Variants in SNX10 observed in about 807,000 individuals in gnomAD.
SNX10 encodes sorting nexin 10, also known as sorting nexin-10.
Under a neutral mutation model 28.5 loss-of-function variants are expected in SNX10, and 25 were observed. The ratio of observed to expected loss-of-function variants is 0.88; its 90% confidence interval spans 0.64 to 1.22. The LOEUF is 1.22. SNX10 is among the 50% of genes most tolerant of loss of function. The probability of loss-of-function intolerance (pLI) is 0.00; values close to 1 mark genes in which losing one functional copy is unlikely to be tolerated. For missense variants in SNX10, 223 were observed against 242.6 expected (o/e 0.92, Z 0.54); for synonymous variants, 62 against 81.4 (o/e 0.76, Z 1.28).
At chr7:26,301,017 TCCAA>T (rs1377312345) in intron 1 of SNX10, among the ~76,000 whole-genome samples, 1 of 42,046 alleles carries the variant, frequency 2.4e-5, no homozygotes, top group African/African-American at 7.7e-5. Context: ...ATACTCTGTC[TCCAA>T]AAAAAAAAAA....
At chr7:26,358,825 G>GTTTTTTTTTTTTTTTTTTTT (rs1200404644) in intron 2 of SNX10, among the ~76,000 whole-genome samples, 3 of 25,554 alleles carry the variant, frequency 1.2e-4, no homozygotes, top group Admixed American at 6.6e-4. Context: ...TTTTTTTTTT[G>GTTTTTTTTTTTTTTTTTTTT]ACCAAGTCTT....
At chr7:26,307,031 G>T (rs985549823) in intron 1 of SNX10, among the ~76,000 whole-genome samples, 1 of 152,164 alleles carries the variant, frequency 6.6e-6, no homozygotes, top group African/African-American at 2.4e-5. Context: ...CACTTTAGGG[G>T]GGCATTCCCC....
rs375270399 is a variant in SNX10, at chr7:26,326,864, A to G, written c.-23-19556A>G. ...TACAGGTGTGAGCCACTGCACCCAG[A>G]TGAACTGACCATTTTTGTGAGGATA... is the stretch of plus-strand genomic sequence containing the variant. On this transcript the variant is annotated intron_variant, in intron 1 of 6. Coordinates refer to ENST00000338523, the MANE Select transcript of SNX10 (RefSeq NM_013322.3). 2.0e-5 allele frequency among the ~76,000 whole-genome samples: 3 copies of G among 150,212 alleles called. No individual in the cohort carries two copies. In the East Asian group the frequency reaches 6.0e-4, roughly 30 times the overall value.
chr7:26,304,813 A>C (rs561721287), intron 1 of SNX10, among the ~76,000 whole-genome samples: 45 of 152,326 alleles, frequency 3.0e-4, no homozygotes, highest in Non-Finnish European at 4.7e-4. Flanking sequence ...CTTTTGGGGA[A>C]GAATCACACA....
chr7:26,369,631 C>CA (rs1404953723), intron 5 of SNX10, among the ~76,000 whole-genome samples: 2 of 152,172 alleles, frequency 1.3e-5, no homozygotes, highest in African/African-American at 4.8e-5. Flanking sequence ...GGGGAGTGTT[C>CA]AGATGTCCCC....
At chr7:26,337,207 ATTGACC>A (rs1332756846) in intron 1 of SNX10, among the ~76,000 whole-genome samples, 7 of 151,016 alleles carry the variant, frequency 4.6e-5, no homozygotes, top group Non-Finnish European at 7.4e-5. Context: ...TAAGTAGATT[ATTGACC>A]TTCTTTCAAA....
At chr7:26,348,215 A>T (rs1350244947) in intron 2 of SNX10, among the ~76,000 whole-genome samples, 1 of 151,932 alleles carries the variant, frequency 6.6e-6, no homozygotes, top group Non-Finnish European at 1.5e-5. Flanking sequence ...CTTCCACAAT[A>T]CCTATACCAG....
chr7:26,360,822 C>G, intron 2 of SNX10, 153 bp from the exon 3 acceptor site: 4 of 1,452,310 alleles, frequency 2.8e-6, no homozygotes, highest in Non-Finnish European at 3.6e-6. Context: ...GTGCCTGATT[C>G]ATTAACTTTA....
At chr7:26,328,402 A>G (rs1787588363) in intron 1 of SNX10, among the ~76,000 whole-genome samples, 1 of 152,214 alleles carries the variant, frequency 6.6e-6, no homozygotes, top group African/African-American at 2.4e-5. Context: ...GTTTGGACAC[A>G]GTAAGTTTGA....
intron 1 of SNX10, among the ~76,000 whole-genome samples, chr7:26,303,735 A>G (rs1044519548): frequency 1.3e-5 from 2 of 152,196 alleles, no homozygotes; most frequent in African/African-American, 4.8e-5. Context: ...GTTAAGGCAG[A>G]TTTCTGGGTC....
chr7:26,310,774 TG>T (rs1391559044), intron 1 of SNX10, among the ~76,000 whole-genome samples: 1 of 151,268 alleles, frequency 6.6e-6, no homozygotes, highest in Non-Finnish European at 1.5e-5. Context: ...CTCCGCCTCC[TG>T]GGGTTCACGC....
At chr7:26,355,370 AT>A (rs915706192) in intron 2 of SNX10, among the ~76,000 whole-genome samples, 12 of 152,272 alleles carry the variant, frequency 7.9e-5, no homozygotes, top group African/African-American at 2.6e-4. Flanking sequence ...TCTTGCTGAG[AT>A]TTTTTATAGG....
chr7:26,331,447 A>G (rs6944327), intron 1 of SNX10, among the ~76,000 whole-genome samples: 31,243 of 151,990 alleles, frequency 0.21, 3,823 homozygotes, highest in South Asian at 0.41. Flanking sequence ...TTAGCTGGGC[A>G]TGGTGGCCCA....
chr7:26,345,738 G>T (rs548649039), intron 1 of SNX10, among the ~76,000 whole-genome samples: 2 of 152,226 alleles, frequency 1.3e-5, no homozygotes, highest in Non-Finnish European at 2.9e-5. Flanking sequence ...GAATACATAT[G>T]TGTGGATATA....
At chr7:26,359,942 C>T (rs1187012793) in intron 2 of SNX10, among the ~76,000 whole-genome samples, 1 of 152,200 alleles carries the variant, frequency 6.6e-6, no homozygotes, top group Non-Finnish European at 1.5e-5. Flanking sequence ...AGGCGTAAGC[C>T]ACTGCGCCCG....
chr7:26,356,073 T>A (rs2698720), intron 2 of SNX10, among the ~76,000 whole-genome samples: 107,135 of 151,906 alleles, frequency 0.71, 37,916 homozygotes, highest in South Asian at 0.84. Context: ...AGGAAAAAAA[T>A]GATAGGGTAG....
At chr7:26,329,256 A>G (rs947534195) in intron 1 of SNX10, among the ~76,000 whole-genome samples, 1 of 152,092 alleles carries the variant, frequency 6.6e-6, no homozygotes, top group Admixed American at 6.6e-5. Flanking sequence ...TCTGTTCTCC[A>G]GATATACCAG....
At chr7:26,331,686 A>G (rs1787755066) in intron 1 of SNX10, among the ~76,000 whole-genome samples, 1 of 152,260 alleles carries the variant, frequency 6.6e-6, no homozygotes, top group South Asian at 2.1e-4. Flanking sequence ...AGTCACTTTT[A>G]GAGTATTTTC....
chr7:26,352,484 G>A (rs960851328), intron 2 of SNX10, among the ~76,000 whole-genome samples: 12 of 152,106 alleles, frequency 7.9e-5, no homozygotes, highest in African/African-American at 2.7e-4. Context: ...ACCCCCATAT[G>A]TGTACCTACC....
Sources: gnomAD v4.1 joint callset for allele counts (sites outside exome capture counted in the v4.1 genomes callset) on GRCh38, gnomAD v4.1.1 for gene constraint, MANE v1.5 for transcripts, NCBI Gene and HGNC (gene_info 2026-07-23, HGNC 2026-07-21) for gene names.